The following TMEM132B variants were observed in gnomAD, a reference collection of about 807,000 sequenced individuals.
TMEM132B encodes transmembrane protein 132B.
A neutral mutation model predicts 90.8 loss-of-function variants in TMEM132B; 18 were observed. The observed-to-expected ratio is 0.20, with a 90% CI of 0.14 to 0.29. The LOEUF is 0.29. Ranked by LOEUF, TMEM132B falls within the 10% of genes least tolerant of loss-of-function variation. The pLI is 1.00. For missense variants in TMEM132B, 1,096 were observed against 1,326.8 expected (o/e 0.83, Z 2.70); for synonymous variants, 504 against 523.3 (o/e 0.96, Z 0.50).
chr12:125,226,692 C>A (rs1488036232), intron 1 of TMEM132B, among the ~76,000 whole-genome samples: 2 of 152,176 alleles, frequency 1.3e-5, no homozygotes, highest in African/African-American at 4.8e-5. Flanking sequence ...GTCCACTCTT[C>A]CTAGGTCCTC....
At chr12:125,279,382 T>A (rs924433) in intron 1 of TMEM132B, among the ~76,000 whole-genome samples, 6,718 of 152,172 alleles carry the variant, frequency 0.044, 516 homozygotes, top group African/African-American at 0.15. Context: ...AGTGTGTGTC[T>A]TGGTTCCTAG....
intron 3 of TMEM132B, among the ~76,000 whole-genome samples, chr12:125,473,893 T>A (rs1014524518): frequency 2.6e-5 from 4 of 151,854 alleles, no homozygotes; most frequent in South Asian, 2.1e-4. Flanking sequence ...TCAGTCAAGT[T>A]TTTTTTTTCT....
chr12:125,644,015 G>C (rs1397193108), intron 5 of TMEM132B, 61 bp from the exon 6 acceptor site: 3 of 1,483,330 alleles, frequency 2.0e-6, no homozygotes, highest in South Asian at 1.2e-5. Context: ...TTTCACTGTT[G>C]TTGTTTTTTC....
chr12:125,476,490 T>A (rs1881885698), intron 3 of TMEM132B, among the ~76,000 whole-genome samples: 1 of 152,258 alleles, frequency 6.6e-6, no homozygotes, highest in Non-Finnish European at 1.5e-5. Context: ...AATGTCTCAA[T>A]AACAGTCCAT....
intron 2 of TMEM132B, among the ~76,000 whole-genome samples, chr12:125,389,041 CACACACACACACACAA>C (rs1878929147): frequency 1.3e-5 from 2 of 151,918 alleles, no homozygotes; most frequent in African/African-American, 2.4e-5. Flanking sequence ...CACACACACA[CACACACACACACACAA>C]ACACACAAGA....
At chr12:125,650,560 G>A (rs976792010) in intron 6 of TMEM132B, 123 bp from the exon 7 acceptor site, 1 of 1,148,006 alleles carries the variant, frequency 8.7e-7, no homozygotes, top group Middle Eastern at 2.4e-4. Flanking sequence ...TGGCTGAGCA[G>A]GTCCTGCAGG....
chr12:125,615,846 A>C (rs1239395988), intron 5 of TMEM132B, among the ~76,000 whole-genome samples: 1 of 152,218 alleles, frequency 6.6e-6, no homozygotes, highest in African/African-American at 2.4e-5. Context: ...CTGAAAAATC[A>C]ACTGACAAAA....
At chr12:125,435,154 C>G (rs1880664514) in intron 3 of TMEM132B, among the ~76,000 whole-genome samples, 1 of 152,162 alleles carries the variant, frequency 6.6e-6, no homozygotes, top group Non-Finnish European at 1.5e-5. Flanking sequence ...GTGTTCCTTC[C>G]AAAATGAAAC....
chr12:125,581,216 C>T (rs2136861943), intron 4 of TMEM132B, among the ~76,000 whole-genome samples: 1 of 152,278 alleles, frequency 6.6e-6, no homozygotes. Flanking sequence ...TGAGCTTCTA[C>T]AAGGTGGAGA....
Position 125,350,045 on chromosome 12 carries a change from G to C in TMEM132B, c.661G>C (p.Glu221Gln). Residue 221 changes from glutamate to glutamine, a missense_variant, in exon 2 of 9, where the codon GAG becomes CAG. Transcript: ENST00000682704. The part of the protein sequence containing the change: ...IPALLGGTTM[E>Q]LFFTLYPADK... ...AGCCCTGCTCGGGGGCACCACGATG[G>C]AGCTCTTCTTCACGCTCTACCCAGC... is the stretch of plus-strand genomic sequence containing the variant. 1 of 1,614,192 alleles carries C rather than the reference G, an allele frequency of 6.2e-7. No homozygotes were observed. The highest frequency in any genetic ancestry group is 1.1e-5 in the South Asian group (1 of 91,092).
chr12:125,621,812 T>C (rs544729685), intron 5 of TMEM132B, among the ~76,000 whole-genome samples: 2 of 152,198 alleles, frequency 1.3e-5, no homozygotes, highest in Non-Finnish European at 1.5e-5. Flanking sequence ...TGACATACTT[T>C]CCTACCTTTC....
At chr12:125,222,945 C>G (rs1175757930) in intron 1 of TMEM132B, among the ~76,000 whole-genome samples, 1 of 152,222 alleles carries the variant, frequency 6.6e-6, no homozygotes, top group African/African-American at 2.4e-5. Flanking sequence ...TTTGAAGGAT[C>G]AGGCAGGAAC....
chr12:125,543,191 A>G (rs1013549813), intron 4 of TMEM132B, among the ~76,000 whole-genome samples: 2 of 152,204 alleles, frequency 1.3e-5, no homozygotes, highest in Non-Finnish European at 1.5e-5. Flanking sequence ...GGTGACCCCT[A>G]TCATACTTAT....
intron 4 of TMEM132B, among the ~76,000 whole-genome samples, chr12:125,553,979 C>T (rs11058238): frequency 0.21 from 31,643 of 152,010 alleles, 3,800 homozygotes; most frequent in Non-Finnish European, 0.28. Flanking sequence ...TTTAAAAAGT[C>T]CTGTCAGAAC....
At chr12:125,212,518 C>T (rs2136066808) in intron 1 of TMEM132B, among the ~76,000 whole-genome samples, 1 of 152,020 alleles carries the variant, frequency 6.6e-6, no homozygotes, top group East Asian at 1.9e-4. Context: ...CGTGGTGAAA[C>T]CCTGTCTCTA....
intron 2 of TMEM132B, among the ~76,000 whole-genome samples, chr12:125,403,193 C>A (rs953871812): frequency 6.6e-6 from 1 of 152,190 alleles, no homozygotes; most frequent in African/African-American, 2.4e-5. Context: ...AGAGACTCCC[C>A]ACTGAGCTGC....
intron 4 of TMEM132B, among the ~76,000 whole-genome samples, chr12:125,561,687 T>C (rs1884536850): frequency 6.6e-6 from 1 of 152,056 alleles, no homozygotes. Context: ...CAATAAGCAG[T>C]AATAGTTTTA....
intron 4 of TMEM132B, among the ~76,000 whole-genome samples, chr12:125,577,621 A>G (rs1884969454): frequency 6.6e-6 from 1 of 150,974 alleles, no homozygotes; most frequent in Admixed American, 6.6e-5. Flanking sequence ...CTACTCTATT[A>G]TTATTGTCTT....
intron 5 of TMEM132B, among the ~76,000 whole-genome samples, chr12:125,620,261 T>C (rs1429627066): frequency 6.6e-6 from 1 of 152,268 alleles, no homozygotes; most frequent in Admixed American, 6.5e-5. Context: ...TTTATTTTAA[T>C]GTACTTTAGA....
Sources: allele counts gnomAD v4.1 joint callset (sites outside exome capture counted in the v4.1 genomes callset), GRCh38; gene constraint gnomAD v4.1.1; transcripts MANE v1.5; gene names NCBI Gene and HGNC (gene_info 2026-07-23, HGNC 2026-07-21).